UNC13C: variants seen among roughly 807,000 people sequenced by gnomAD.
UNC13C encodes unc-13 homolog C.
Under a neutral mutation model 245.4 loss-of-function variants are expected in UNC13C, and 174 were observed. The ratio of observed to expected loss-of-function variants is 0.71; its 90% CI spans 0.63 to 0.80. UNC13C has a LOEUF of 0.80. Among genes scored for constraint, UNC13C ranks in the 30% least tolerant of loss-of-function variants. UNC13C has a pLI of 0.00. For synonymous variants in UNC13C, 992 were observed against 895.1 expected (o/e 1.11, Z -1.93); for missense variants, 2,829 against 2,602.9 (o/e 1.09, Z -1.89).
chr15:54,036,244 G>T (rs1896573491), intron 2 of UNC13C, among the ~76,000 whole-genome samples: 1 of 152,142 alleles, frequency 6.6e-6, no homozygotes, highest in African/African-American at 2.4e-5. Flanking sequence ...TCTCTATAAT[G>T]GTCTAATTCA....
chr15:53,974,369 A>C (rs929757246), upstream of UNC13C, among the ~76,000 whole-genome samples: 3 of 152,208 alleles, frequency 2.0e-5, no homozygotes, highest in Non-Finnish European at 4.4e-5. Context: ...TCTGTGCTTT[A>C]CTAAGCAAGC....
At chr15:54,444,229 C>T (rs933047856) in intron 19 of UNC13C, among the ~76,000 whole-genome samples, 8 of 151,252 alleles carry the variant, frequency 5.3e-5, no homozygotes, top group Non-Finnish European at 1.2e-4. Flanking sequence ...TGCTCAATTT[C>T]GGTTGTTGTT....
the UNC13C span, among the ~76,000 whole-genome samples, chr15:53,935,574 A>G: frequency 1.3e-4 from 20 of 152,214 alleles, no homozygotes; most frequent in Non-Finnish European, 2.6e-4. Context: ...GTTCTCATGG[A>G]GAATGAAAAT....
intron 2 of UNC13C, among the ~76,000 whole-genome samples, chr15:54,029,536 A>G (rs1896266935): frequency 6.6e-6 from 1 of 152,234 alleles, no homozygotes; most frequent in Non-Finnish European, 1.5e-5. Flanking sequence ...TATACAGTGA[A>G]TGACATCGTG....
the UNC13C span, among the ~76,000 whole-genome samples, chr15:53,852,455 G>A: frequency 2.0e-5 from 3 of 152,154 alleles, no homozygotes; most frequent in East Asian, 5.8e-4. Flanking sequence ...ACATCATGGG[G>A]TTTCTCCCTA....
intron 2 of UNC13C, chr15:54,051,017 T>C: frequency 4.9e-6 from 2 of 408,888 alleles, no homozygotes. Context: ...TAGTGACTTC[T>C]TGACTATTAG....
At chr15:54,372,323 C>T (rs2039504182) in intron 17 of UNC13C, among the ~76,000 whole-genome samples, 1 of 151,870 alleles carries the variant, frequency 6.6e-6, no homozygotes. Flanking sequence ...GAAAACATAT[C>T]AGTTACCTTT....
intron 4 of UNC13C, among the ~76,000 whole-genome samples, chr15:54,165,096 C>A (rs995217785): frequency 6.6e-6 from 1 of 152,034 alleles, no homozygotes; most frequent in Non-Finnish European, 1.5e-5. Context: ...TAAAAAGTCA[C>A]CTTCCCTTTG....
rs919164650 is a variant in UNC13C, at chr15:54,013,751, T to C, written c.848T>C (p.Val283Ala). The stretch of plus-strand genomic sequence containing the variant: ...GATGAGATCTCCAGCAGTGTGGAGG[T>C]TGTACAAAGTGAAATTGAGCAGTTG... ...SIDEISSSVE[V>A]VQSEIEQLRT... The change falls in exon 2 of 33, where the codon GTT (valine) becomes GCT (alanine). Residue 283 changes from valine to alanine, a missense_variant. Physicochemically the swap from Val to Ala is moderately conservative, Grantham distance 64. Transcript: ENST00000260323. 4.3e-6 allele frequency: 7 copies of C among 1,611,220 alleles called. No homozygotes were observed. The highest frequency in any genetic ancestry group is 5.9e-6 in the Non-Finnish European group (7 of 1,178,802).
chr15:54,433,141 G>A (rs750435590), intron 19 of UNC13C, among the ~76,000 whole-genome samples: 8 of 152,030 alleles, frequency 5.3e-5, no homozygotes, highest in Non-Finnish European at 1.0e-4. Context: ...AGTCACAGCA[G>A]TATTCTACCA....
intron 10 of UNC13C, among the ~76,000 whole-genome samples, chr15:54,273,583 A>G (rs1008231866): frequency 2.6e-5 from 4 of 152,186 alleles, no homozygotes; most frequent in African/African-American, 7.2e-5. Context: ...TTATTGGTCT[A>G]TCAATGATTG....
upstream of UNC13C, among the ~76,000 whole-genome samples, chr15:53,973,346 C>T (rs974412601): frequency 6.6e-5 from 10 of 152,016 alleles, no homozygotes; most frequent in African/African-American, 2.4e-4. Flanking sequence ...TAAGTATATA[C>T]TATCTAAGTT....
Position 54,182,174 on chromosome 15 carries a change from C to T in UNC13C, c.3071+38490C>T, listed in dbSNP as rs147991983. 3.5e-4 allele frequency among the ~76,000 whole-genome samples: 53 copies of T among 152,132 alleles called. No homozygotes were observed. In the East Asian group the frequency reaches 9.3e-3, roughly 27 times the overall value. The stretch of plus-strand genomic sequence containing the variant: ...AGTATGATGTTGCCTCCGTGTTTAT[C>T]ATAGATAACTCTTATTATTTTGTGG... On this transcript the variant is annotated intron_variant, in intron 4 of 32. Transcript: ENST00000260323.
intron 30 of UNC13C, among the ~76,000 whole-genome samples, chr15:54,580,759 A>C (rs1230528349): frequency 1.3e-5 from 2 of 152,162 alleles, no homozygotes; most frequent in Non-Finnish European, 2.9e-5. Context: ...ACAAAACATT[A>C]AGAGAGACCC....
chr15:54,414,698 A>G (rs76852954), intron 18 of UNC13C, among the ~76,000 whole-genome samples: 4,616 of 152,140 alleles, frequency 0.03, 188 homozygotes, highest in Admixed American at 0.12. Flanking sequence ...AGCTCTTGAG[A>G]CACAAACACT....
chr15:53,970,907 A>G, the UNC13C span, among the ~76,000 whole-genome samples: 2 of 152,150 alleles, frequency 1.3e-5, no homozygotes, highest in African/African-American at 2.4e-5. Context: ...TGTTTATTCT[A>G]TTTTTGAATT....
chr15:54,380,108 C>T (rs1285716723), intron 17 of UNC13C, among the ~76,000 whole-genome samples: 2 of 151,868 alleles, frequency 1.3e-5, no homozygotes, highest in Admixed American at 1.3e-4. Context: ...ATTTTGTGTC[C>T]TTTGACCAAC....
At chr15:53,892,428 C>T in the UNC13C span, among the ~76,000 whole-genome samples, 1 of 152,122 alleles carries the variant, frequency 6.6e-6, no homozygotes, top group African/African-American at 2.4e-5. Context: ...GCCTGTCTTG[C>T]TAGGTTGGGG....
chr15:53,923,092 G>C, the UNC13C span, among the ~76,000 whole-genome samples: 1 of 152,192 alleles, frequency 6.6e-6, no homozygotes, highest in African/African-American at 2.4e-5. Context: ...TTAATTTCAA[G>C]AGGAATAAAA....
Sources: allele counts gnomAD v4.1 joint callset (sites outside exome capture counted in the v4.1 genomes callset), GRCh38; gene constraint gnomAD v4.1.1; transcripts MANE v1.5; gene names NCBI Gene and HGNC (gene_info 2026-07-23, HGNC 2026-07-21).